SH3RF1: variants seen among roughly 807,000 people sequenced by gnomAD.
SH3RF1 encodes E3 ubiquitin-protein ligase SH3RF1.
SH3RF1 carries 32 observed loss-of-function variants against 74.0 expected under a neutral mutation model. That is an observed-to-expected ratio of 0.43 (90% confidence interval 0.33 to 0.58). The LOEUF (loss-of-function observed/expected upper bound fraction) is 0.58, where lower values mean the gene tolerates loss of function less well. Ranked by LOEUF, SH3RF1 falls within the 20% of genes least tolerant of loss-of-function variation. SH3RF1 has a pLI of 0.05. For missense variants in SH3RF1, 954 were observed against 1,130.9 expected, an observed-to-expected ratio of 0.84 and a Z score of 2.24; for synonymous variants, 396 against 439.6, an observed-to-expected ratio of 0.90 and a Z score of 1.24.
chr4:169,198,628 T>A (rs1734860249), intron 2 of SH3RF1, among the ~76,000 whole-genome samples: 1 of 152,124 alleles, frequency 6.6e-6, no homozygotes, highest in Non-Finnish European at 1.5e-5. Context: ...CTAATTTGTA[T>A]AAATCTTTAC....
At chr4:169,173,837 T>C (rs1249739245) in intron 2 of SH3RF1, among the ~76,000 whole-genome samples, 1 of 152,090 alleles carries the variant, frequency 6.6e-6, no homozygotes, top group Non-Finnish European at 1.5e-5. Flanking sequence ...ACTTCATTAA[T>C]CAGAGACAAG....
chr4:169,096,774 A>T, intron 11 of SH3RF1, 87 bp from the exon 12 acceptor site: 1 of 1,209,294 alleles, frequency 8.3e-7, no homozygotes, highest in South Asian at 1.5e-5. Flanking sequence ...AACCTTCAAC[A>T]TAAATAGGAA....
chr4:169,257,216 C>A (rs1731205510), intron 2 of SH3RF1, among the ~76,000 whole-genome samples: 1 of 152,124 alleles, frequency 6.6e-6, no homozygotes, highest in Admixed American at 6.5e-5. Flanking sequence ...ACAGAGCACA[C>A]AAAAAAGGAA....
intron 2 of SH3RF1, among the ~76,000 whole-genome samples, chr4:169,174,634 A>G (rs1012315160): frequency 6.6e-6 from 1 of 152,130 alleles, no homozygotes; most frequent in Non-Finnish European, 1.5e-5. Flanking sequence ...TACTCCCAAG[A>G]TGATCTCATC....
chr4:169,172,960 C>A (rs894837842), intron 2 of SH3RF1, among the ~76,000 whole-genome samples: 3 of 152,134 alleles, frequency 2.0e-5, no homozygotes, highest in African/African-American at 4.8e-5. Context: ...TATTTTCTAT[C>A]ATGAACAGAT....
chr4:169,120,067 A>G (rs1199215562), intron 8 of SH3RF1, among the ~76,000 whole-genome samples: 1 of 152,088 alleles, frequency 6.6e-6, no homozygotes, highest in Non-Finnish European at 1.5e-5. Flanking sequence ...TTTTTGTGGG[A>G]GGCTGTCCTA....
intron 4 of SH3RF1, among the ~76,000 whole-genome samples, chr4:169,137,809 G>C (rs1440023654): frequency 1.3e-5 from 2 of 152,188 alleles, no homozygotes; most frequent in African/African-American, 4.8e-5. Flanking sequence ...GAGCTCAGCA[G>C]TCACTGCTTC....
intron 2 of SH3RF1, among the ~76,000 whole-genome samples, chr4:169,176,062 T>A (rs573945964): frequency 3.3e-5 from 5 of 152,282 alleles, no homozygotes; most frequent in Admixed American, 2.0e-4. Context: ...GAGCACACAG[T>A]AAGAAGGTGG....
intron 2 of SH3RF1, among the ~76,000 whole-genome samples, chr4:169,225,125 G>A (rs570938900): frequency 6.6e-6 from 1 of 152,344 alleles, no homozygotes; most frequent in East Asian, 1.9e-4. Context: ...GACAAGGTTA[G>A]TGCCAGTTAA....
At chr4:169,169,012 T>C (rs529548544) in intron 2 of SH3RF1, among the ~76,000 whole-genome samples, 4 of 152,260 alleles carry the variant, frequency 2.6e-5, no homozygotes, top group South Asian at 2.1e-4. Context: ...ACAATGTCAT[T>C]AGGAAAAGCA....
chr4:169,204,384 A>G (rs1421289943), intron 2 of SH3RF1, among the ~76,000 whole-genome samples: 2 of 152,178 alleles, frequency 1.3e-5, no homozygotes, highest in Admixed American at 1.3e-4. Context: ...ACATATTTTT[A>G]TAATAATGTC....
chr4:169,111,859 T>G (rs1733251029), intron 10 of SH3RF1, among the ~76,000 whole-genome samples: 1 of 152,072 alleles, frequency 6.6e-6, no homozygotes. Flanking sequence ...AACCACGGAG[T>G]GCAGACACCA....
At chr4:169,181,848 A>G (rs1259854398) in intron 2 of SH3RF1, among the ~76,000 whole-genome samples, 1 of 152,182 alleles carries the variant, frequency 6.6e-6, no homozygotes, top group Non-Finnish European at 1.5e-5. Context: ...TGTGCCCACC[A>G]CTATGTAAAT....
intron 10 of SH3RF1, among the ~76,000 whole-genome samples, chr4:169,112,952 AT>A (rs1487167728): frequency 6.6e-6 from 1 of 152,162 alleles, no homozygotes; most frequent in Non-Finnish European, 1.5e-5. Context: ...AAGAGTTGGG[AT>A]TTAGAGATCA....
rs1248560906 is a variant in SH3RF1, at chr4:169,117,580, A to C, written c.1720T>G (p.Leu574Val). The C allele has an allele frequency of 1.2e-6, 2 of 1,614,122 alleles. No homozygotes were observed. Among genetic ancestry groups the C allele is most frequent in the African/African-American group, 1.3e-5 (1 of 74,942 alleles). Residue 574 changes from leucine to valine, a missense_variant, in exon 9 of 12, where the codon TTG becomes GTG. Leu to Val is a conservative substitution (Grantham distance 32). Around this residue, in one of 3 missense-constraint regions of SH3RF1, gnomAD observed 854 missense variants for 962.5 expected, o/e 0.89. Coordinates refer to ENST00000284637, the MANE Select transcript of SH3RF1 (RefSeq NM_020870.4). ...HIQTSPQAKVLLHMTGQMTVN... is the reference protein window; with the variant it reads ...HIQTSPQAKVVLHMTGQMTVN... ...GTCATTTGCCCCGTCATGTGCAACA[A>C]GACCTTAGCCTGAGGACTTGTCTGG...
chr4:169,122,205 G>A lies in SH3RF1; in HGVS notation c.1241C>T (p.Pro414Leu). 1.2e-6 allele frequency: 2 copies of A among 1,613,432 alleles called. No homozygotes were observed. Among genetic ancestry groups the A allele is most frequent in the South Asian group, 1.1e-5 (1 of 90,958 alleles). ...AGCAGCAGCGGCGGTGGCGCCTGGT[G>A]GTGTGGAGGCAAGGACAGTGGCAGC... is the stretch of plus-strand genomic sequence containing the variant. ...LLAATVLAST[P>L]PGATAAAAAA... is the part of the protein sequence containing the mutation. The change falls in exon 7 of 12, where the codon CCA becomes CTA. Residue 414 changes from proline to leucine, a missense_variant. By Grantham distance (98) the Pro-to-Leu change is moderately conservative (BLOSUM62 -3). Coordinates refer to ENST00000284637, the MANE Select transcript of SH3RF1 (RefSeq NM_020870.4).
chr4:169,223,018 G>A (rs1201689674), intron 2 of SH3RF1, among the ~76,000 whole-genome samples: 2 of 152,152 alleles, frequency 1.3e-5, no homozygotes, highest in Non-Finnish European at 2.9e-5. Flanking sequence ...TTCACAAGGC[G>A]GGAAACACAT....
chr4:169,151,383 C>A (rs1169916425), intron 4 of SH3RF1, among the ~76,000 whole-genome samples: 1 of 152,198 alleles, frequency 6.6e-6, no homozygotes. Context: ...AGGCACTATT[C>A]TTAAGTATCA....
chr4:169,164,876 T>C (rs1053584750), intron 2 of SH3RF1, among the ~76,000 whole-genome samples: 4 of 152,202 alleles, frequency 2.6e-5, no homozygotes, highest in African/African-American at 9.6e-5. Flanking sequence ...TGGATGGCCT[T>C]AGTACCCAAC....
Sources: allele counts gnomAD v4.1 joint callset (sites outside exome capture counted in the v4.1 genomes callset), GRCh38; gene constraint gnomAD v4.1.1; regional missense constraint gnomAD v4.1.1; transcripts MANE v1.5; gene names NCBI Gene and HGNC (gene_info 2026-07-23, HGNC 2026-07-21).